Variants in L3MBTL3 observed in about 807,000 individuals in gnomAD.
The protein encoded by L3MBTL3 is L3MBTL histone methyl-lysine binding protein 3.
Under a neutral mutation model 102.3 loss-of-function variants are expected in L3MBTL3, and 27 were observed. That is an observed-to-expected ratio of 0.26 (90% confidence interval 0.19 to 0.36). The LOEUF (loss-of-function observed/expected upper bound fraction) is 0.36, where lower values mean the gene tolerates loss of function less well. Ranked by LOEUF, L3MBTL3 falls within the 10% of genes least tolerant of loss-of-function variation. The pLI, the probability that L3MBTL3 is intolerant of heterozygous loss-of-function variation, is 1.00. For missense variants in L3MBTL3, 798 were observed against 955.3 expected, an observed-to-expected ratio of 0.84 and a Z score of 2.17; for synonymous variants, 340 against 320.9, an observed-to-expected ratio of 1.06 and a Z score of -0.64.
intron 20 of L3MBTL3, among the ~76,000 whole-genome samples, chr6:130,126,928 G>T (rs1206868255): frequency 6.6e-6 from 1 of 152,198 alleles, no homozygotes; most frequent in East Asian, 1.9e-4. Flanking sequence ...GAAGAAAGGA[G>T]AATGGGGGTG....
rs768283965 is a variant in L3MBTL3, at chr6:130,104,563, C to T, written c.1874C>T (p.Ser625Phe). The T allele has an allele frequency of 2.6e-6, 4 of 1,568,002 alleles. No individual in the cohort carries two copies. Among genetic ancestry groups the T allele is most frequent in the South Asian group, 1.2e-5 (1 of 80,162 alleles). The change falls in exon 19 of 23, where the codon TCC becomes TTC. Residue 625 changes from serine (S) to phenylalanine (F), a missense_variant. Around this residue, in one of 4 missense-constraint regions of L3MBTL3, gnomAD observed 306 missense variants for 314.4 expected, o/e 0.97. Coordinates refer to ENST00000361794, the MANE Select transcript of L3MBTL3 (RefSeq NM_032438.4). The stretch of plus-strand genomic sequence containing the variant: ...ACAGATGCAAATGAAAGCTCTTCTT[C>T]CCCTGAAATCAGGTAATCAAAGAGC... ...KRTDANESSSSPEIRDQHADD... is the reference protein window; with the variant it reads ...KRTDANESSSFPEIRDQHADD...
intron 2 of L3MBTL3, among the ~76,000 whole-genome samples, chr6:130,037,655 C>T (rs1780143510): frequency 6.6e-6 from 1 of 152,058 alleles, no homozygotes; most frequent in Non-Finnish European, 1.5e-5. Flanking sequence ...TTAATTGATG[C>T]ATAATAATTG....
At chr6:130,027,354 T>TTA (rs1295383140) in intron 2 of L3MBTL3, among the ~76,000 whole-genome samples, 2 of 152,228 alleles carry the variant, frequency 1.3e-5, no homozygotes, top group Non-Finnish European at 2.9e-5. Context: ...TAAGCTAATT[T>TTA]AGTTACTAGA....
At chr6:130,113,022 C>T (rs1740774431) in intron 19 of L3MBTL3, among the ~76,000 whole-genome samples, 1 of 152,138 alleles carries the variant, frequency 6.6e-6, no homozygotes, top group Non-Finnish European at 1.5e-5. Context: ...ATGGGCTCTA[C>T]CAGTGAGTGG....
chr6:130,045,301 C>T (rs148634876), intron 3 of L3MBTL3, among the ~76,000 whole-genome samples: 15 of 152,238 alleles, frequency 9.9e-5, no homozygotes, highest in African/African-American at 2.6e-4. Flanking sequence ...AGCCTTCACA[C>T]GCTGGGCCCT....
chr6:130,049,658 A>G, intron 4 of L3MBTL3, 98 bp from the exon 5 acceptor site: 1 of 1,354,884 alleles, frequency 7.4e-7, no homozygotes, highest in Non-Finnish European at 1.0e-6. Flanking sequence ...TAGCCTACAC[A>G]GGTGATTTAG....
chr6:130,019,770 A>T (rs1778823558), intron 1 of L3MBTL3, among the ~76,000 whole-genome samples: 1 of 151,218 alleles, frequency 6.6e-6, no homozygotes, highest in East Asian at 2.0e-4. Context: ...GGAAAGTTGC[A>T]CAAAAATAAA....
intron 3 of L3MBTL3, among the ~76,000 whole-genome samples, chr6:130,048,186 T>TAC (rs1780843573): frequency 6.6e-6 from 1 of 152,224 alleles, no homozygotes; most frequent in Non-Finnish European, 1.5e-5. Flanking sequence ...GCGTGTTGAC[T>TAC]AAATCGATTT....
chr6:130,057,970 C>T (rs971710173), intron 9 of L3MBTL3, among the ~76,000 whole-genome samples: 8 of 151,188 alleles, frequency 5.3e-5, no homozygotes, highest in Admixed American at 4.6e-4. Flanking sequence ...GGTGAAACCC[C>T]GTCTCTACTA....
In L3MBTL3 at chr6:130,051,251, T is replaced by G; in HGVS notation, c.292T>G (p.Phe98Val). 6.2e-7 allele frequency: 1 copy of G among 1,606,960 alleles called. No individual in the cohort carries two copies. Among genetic ancestry groups the G allele is most frequent in the South Asian group, 1.1e-5 (1 of 89,750 alleles). The change falls in exon 6 of 23, where the codon TTT becomes GTT. Residue 98 changes from phenylalanine (F) to valine (V), a missense_variant and splice_region_variant. Transcript: ENST00000361794. ...WTSPPGCPTV[F>V]SEKTGMPFRL... ...CATTTCTTCTTTTCATCTTCTAGTCTTTTCAGAGAAGACTGGGATGCCTTT... is the reference window on the plus strand; with the variant it reads ...CATTTCTTCTTTTCATCTTCTAGTCGTTTCAGAGAAGACTGGGATGCCTTT...
At chr6:130,048,790 C>T (rs1584318313) in intron 3 of L3MBTL3, among the ~76,000 whole-genome samples, 1 of 152,232 alleles carries the variant, frequency 6.6e-6, no homozygotes, top group Admixed American at 6.5e-5. Flanking sequence ...GATGTTCAGG[C>T]CATTATTTCT....
intron 10 of L3MBTL3, among the ~76,000 whole-genome samples, chr6:130,062,555 A>ATTTTT (rs1175015608): frequency 1.6e-5 from 2 of 124,224 alleles, no homozygotes; most frequent in African/African-American, 3.0e-5. Flanking sequence ...GCCCAGCTAA[A>ATTTTT]TTTTTTTTTT....
chr6:130,070,393 A>G (rs191972680), intron 12 of L3MBTL3, among the ~76,000 whole-genome samples: 1 of 152,314 alleles, frequency 6.6e-6, no homozygotes, highest in African/African-American at 2.4e-5. Flanking sequence ...TCAACAGCCA[A>G]TTCTTTTGCT....
At chr6:130,030,741 A>G (rs887538112) in intron 2 of L3MBTL3, among the ~76,000 whole-genome samples, 1 of 151,424 alleles carries the variant, frequency 6.6e-6, no homozygotes, top group Non-Finnish European at 1.5e-5. Context: ...CTGTTACATT[A>G]AGTTGTCTTC....
intron 22 of L3MBTL3, among the ~76,000 whole-genome samples, chr6:130,136,869 C>T (rs1329772139): frequency 6.6e-6 from 1 of 152,188 alleles, no homozygotes; most frequent in South Asian, 2.1e-4. Flanking sequence ...CCACTGACTT[C>T]AGCCTCCCAA....
At chr6:130,049,942 T>G (rs1780988190) in intron 5 of L3MBTL3, 112 bp downstream of exon 5, 1 of 1,325,500 alleles carries the variant, frequency 7.5e-7, no homozygotes. Flanking sequence ...AATAGCACCA[T>G]CCACCCAGTG....
At chr6:130,120,665 C>T (rs1020543780) in intron 19 of L3MBTL3, among the ~76,000 whole-genome samples, 4 of 152,170 alleles carry the variant, frequency 2.6e-5, no homozygotes, top group Admixed American at 6.5e-5. Flanking sequence ...TTTAAATCTT[C>T]TTCCTGAATA....
chr6:130,137,289 A>T (rs1243024785), intron 22 of L3MBTL3, among the ~76,000 whole-genome samples: 2 of 152,242 alleles, frequency 1.3e-5, no homozygotes, highest in Non-Finnish European at 2.9e-5. Flanking sequence ...GTTTTAGGCC[A>T]TTAGCAAGAC....
chr6:130,032,138 T>G (rs375820172), intron 2 of L3MBTL3, among the ~76,000 whole-genome samples: 1 of 152,126 alleles, frequency 6.6e-6, no homozygotes, highest in Non-Finnish European at 1.5e-5. Flanking sequence ...GGTCTTGAAC[T>G]CCTGGCCTCA....
Sources: gnomAD v4.1 joint callset for allele counts (sites outside exome capture counted in the v4.1 genomes callset) on GRCh38, gnomAD v4.1.1 for gene constraint, gnomAD v4.1.1 regional missense constraint, MANE v1.5 for transcripts, NCBI Gene and HGNC (gene_info 2026-07-23, HGNC 2026-07-21) for gene names.